TRPM6: variants seen among roughly 807,000 people sequenced by gnomAD.
TRPM6 encodes channel kinase 2.
Under a neutral mutation model 247.6 loss-of-function variants are expected in TRPM6, and 111 were observed. The observed-to-expected ratio is 0.45, with a 90% CI of 0.38 to 0.52. The LOEUF (loss-of-function observed/expected upper bound fraction) is 0.52. Ranked by LOEUF, TRPM6 falls within the 20% of genes least tolerant of loss-of-function variation. The pLI, the probability that TRPM6 is intolerant of heterozygous loss-of-function variation, is 0.00. For missense variants in TRPM6, 2,126 were observed against 2,421.5 expected, an observed-to-expected ratio of 0.88 and a Z score of 2.56; for synonymous variants, 892 against 853.8, an observed-to-expected ratio of 1.04 and a Z score of -0.78.
At chr9:74,726,364 G>T (rs1482897894) in intron 38 of TRPM6, among the ~76,000 whole-genome samples, 2 of 152,102 alleles carry the variant, frequency 1.3e-5, no homozygotes, top group East Asian at 3.9e-4. Flanking sequence ...ACAAAAATTA[G>T]CTGGGCGTGG....
chr9:74,861,802 GCCTCCTGA>G (rs1262220184), intron 1 of TRPM6, among the ~76,000 whole-genome samples: 1 of 151,338 alleles, frequency 6.6e-6, no homozygotes, highest in African/African-American at 2.4e-5. Context: ...ATAGAATAAT[GCCTCCTGA>G]CCTCCAAATT....
intron 9 of TRPM6, among the ~76,000 whole-genome samples, chr9:74,818,857 A>C (rs541147943): frequency 1.3e-5 from 2 of 151,650 alleles, no homozygotes; most frequent in Non-Finnish European, 2.9e-5. Flanking sequence ...AGAACACTTC[A>C]GTTGGTTTTT....
chr9:74,877,131 A>G (rs73536157), intron 1 of TRPM6, among the ~76,000 whole-genome samples: 3,235 of 152,344 alleles, frequency 0.021, 133 homozygotes, highest in African/African-American at 0.075. Context: ...TATGTAAAAT[A>G]ATACAGTTGC....
intron 33 of TRPM6, among the ~76,000 whole-genome samples, chr9:74,742,018 C>T (rs944142136): frequency 6.6e-6 from 1 of 152,186 alleles, no homozygotes; most frequent in Non-Finnish European, 1.5e-5. Flanking sequence ...ATATTGTCAA[C>T]TTGCTCATGT....
intron 13 of TRPM6, among the ~76,000 whole-genome samples, chr9:74,808,940 C>G (rs1828631665): frequency 6.6e-6 from 1 of 152,108 alleles, no homozygotes; most frequent in South Asian, 2.1e-4. Flanking sequence ...ATCCACTTTG[C>G]CTATGGTCCA....
chr9:74,819,609 G>A (rs1304061759), intron 9 of TRPM6, among the ~76,000 whole-genome samples: 2 of 152,156 alleles, frequency 1.3e-5, no homozygotes, highest in Non-Finnish European at 2.9e-5. Context: ...CCCATAGTTT[G>A]TGGGCTCCAT....
At chr9:74,857,542 CT>C (rs745711345) in intron 2 of TRPM6, 4 of 152,300 alleles carry the variant, frequency 2.6e-5, no homozygotes, top group South Asian at 2.1e-4. Context: ...CTTTCTTCCC[CT>C]ATCTTTCACT....
At chr9:74,831,564 A>T (rs1191865439) in intron 6 of TRPM6, among the ~76,000 whole-genome samples, 2 of 152,200 alleles carry the variant, frequency 1.3e-5, no homozygotes, top group Admixed American at 1.3e-4. Context: ...CAAAAAATAT[A>T]CACAATGAGC....
chr9:74,827,609 G>T, intron 7 of TRPM6, 169 bp downstream of exon 7: 1 of 730,496 alleles, frequency 1.4e-6, no homozygotes, highest in Non-Finnish European at 2.5e-6. Context: ...TGGATACATG[G>T]AGGGAGAGAG....
In TRPM6 at chr9:74,866,051, A is replaced by G. The variant is rs149275884; in HGVS notation, c.34-7303T>C. ...CATGGTGGCTCACGCCTAGAATCCC[A>G]GCACTTTGGGAGGCCATGGCTAGAG... On this transcript the variant is annotated intron_variant, in intron 1 of 38. Transcript: ENST00000360774. Among the ~76,000 whole-genome samples, 688 of 152,340 alleles carry G rather than the reference A, an allele frequency of 4.5e-3. 4 individuals are homozygous for G. The highest frequency in any genetic ancestry group is 6.9e-3 in the Non-Finnish European group (469 of 68,028).
At chr9:74,837,386 T>C (rs2104932) in intron 5 of TRPM6, among the ~76,000 whole-genome samples, 44,369 of 152,086 alleles carry the variant, frequency 0.29, 7,679 homozygotes, top group East Asian at 0.52. Flanking sequence ...AATCCTTAAG[T>C]AGCCAGGCCA....
rs1056108119 is a variant in TRPM6, at chr9:74,724,433, G to A, written c.*180C>T. 9 of 814,946 alleles carry A rather than the reference G, an allele frequency of 1.1e-5. No individual in the cohort carries two copies. The highest frequency in any genetic ancestry group is 1.8e-5 in the Non-Finnish European group (9 of 503,176). 50.5% of individuals were successfully genotyped at this position (814,946 alleles called of 1,614,324 possible). ...TGCAAAGTGCCCTGGACAGAGGTCA[G>A]TGTCTAGGAGAACCCATTGATCATA... On this transcript the variant is annotated 3_prime_UTR_variant, in exon 39 of 39. Transcript: ENST00000360774.
chr9:74,791,813 C>A (rs953216497), intron 19 of TRPM6, among the ~76,000 whole-genome samples: 1 of 152,068 alleles, frequency 6.6e-6, no homozygotes, highest in African/African-American at 2.4e-5. Context: ...TGGAGTGTAG[C>A]GGCGCAATCT....
chr9:74,847,332 C>A (rs1258398710), intron 3 of TRPM6, among the ~76,000 whole-genome samples: 1 of 152,086 alleles, frequency 6.6e-6, no homozygotes, highest in Admixed American at 6.6e-5. Context: ...TCCCATGCAG[C>A]TGGAATTACA....
intron 36 of TRPM6, among the ~76,000 whole-genome samples, chr9:74,736,238 G>T (rs1299049823): frequency 6.6e-6 from 1 of 152,110 alleles, no homozygotes; most frequent in African/African-American, 2.4e-5. Flanking sequence ...ACTCAAGGTG[G>T]TTGCTCCTCC....
At chr9:74,751,462 C>G (rs991793672) in intron 29 of TRPM6, among the ~76,000 whole-genome samples, 1 of 152,196 alleles carries the variant, frequency 6.6e-6, no homozygotes, top group Non-Finnish European at 1.5e-5. Flanking sequence ...TGACACTTTA[C>G]TTTGAAAATC....
chr9:74,865,235 A>G (rs1041371985), intron 1 of TRPM6, among the ~76,000 whole-genome samples: 2 of 152,176 alleles, frequency 1.3e-5, no homozygotes, highest in Admixed American at 6.5e-5. Flanking sequence ...TGAAAAGTGA[A>G]GTGATATCAT....
chr9:74,829,473 G>C (rs948728175), intron 6 of TRPM6, among the ~76,000 whole-genome samples: 5 of 152,112 alleles, frequency 3.3e-5, no homozygotes, highest in African/African-American at 9.7e-5. Flanking sequence ...TTAAGTCAAG[G>C]CTCTTCTACT....
At chr9:74,796,189 CAAAA>C (rs901075419) in intron 18 of TRPM6, among the ~76,000 whole-genome samples, 6 of 152,172 alleles carry the variant, frequency 3.9e-5, no homozygotes, top group Admixed American at 1.3e-4. Flanking sequence ...AATTCAAAGA[CAAAA>C]GAAAGATTGT....
Sources: gnomAD v4.1 joint callset for allele counts (sites outside exome capture counted in the v4.1 genomes callset) on GRCh38, gnomAD v4.1.1 for gene constraint, MANE v1.5 for transcripts, NCBI Gene and HGNC (gene_info 2026-07-23, HGNC 2026-07-21) for gene names.